Variants in PDSS2 observed in about 807,000 individuals in gnomAD.
The protein encoded by PDSS2 is decaprenyl diphosphate synthase subunit 2, also known as all trans-polyprenyl-diphosphate synthase PDSS2.
PDSS2 carries 31 observed loss-of-function variants against 44.5 expected under a neutral mutation model. The observed-to-expected ratio is 0.70, with a 90% CI of 0.52 to 0.94. PDSS2 has a LOEUF of 0.94. PDSS2 is among the 40% of genes least tolerant of loss of function. The pLI is 0.00. For missense variants in PDSS2, 452 were observed against 482.2 expected (o/e 0.94, Z 0.59); for synonymous variants, 157 against 180.3 (o/e 0.87, Z 1.03).
In PDSS2 at chr6:107,378,665, A is replaced by G. The variant is rs113080542; in HGVS notation, c.297-44333T>C. Among the ~76,000 whole-genome samples, 1,384 of 152,268 alleles carry G rather than the reference A, an allele frequency of 9.1e-3. 17 individuals carry two copies. Among genetic ancestry groups the G allele is most frequent in the African/African-American group, 0.029 (1,190 of 41,546 alleles). On this transcript the variant is annotated intron_variant, in intron 1 of 7. Coordinates refer to ENST00000369037, the MANE Select transcript of PDSS2 (RefSeq NM_020381.4). ...GCCAGGCATGGTGGCAGGCACCTGT[A>G]ATCCCAGCTACTGAAGGGGCTGAGG... is the stretch of plus-strand genomic sequence containing the variant.
intron 1 of PDSS2, among the ~76,000 whole-genome samples, chr6:107,432,763 CA>C (rs2114762723): frequency 7.5e-6 from 1 of 132,574 alleles, no homozygotes; most frequent in East Asian, 2.2e-4. Context: ...GTCTCAAAAA[CA>C]AAAACAAAAA....
At chr6:107,402,479 C>T (rs111919777) in intron 1 of PDSS2, among the ~76,000 whole-genome samples, 1 of 43,368 alleles carries the variant, frequency 2.3e-5, no homozygotes, top group Non-Finnish European at 3.7e-5. Context: ...TATATGTATA[C>T]ATATATACGT....
chr6:107,428,554 G>A (rs375936032), intron 1 of PDSS2, among the ~76,000 whole-genome samples: 10 of 152,176 alleles, frequency 6.6e-5, no homozygotes, highest in African/African-American at 1.9e-4. Context: ...CAGACCAGAC[G>A]CAGTGGCTCA....
At chr6:107,364,362 C>T (rs1036275770) in intron 1 of PDSS2, among the ~76,000 whole-genome samples, 5 of 151,564 alleles carry the variant, frequency 3.3e-5, no homozygotes, top group South Asian at 2.1e-4. Context: ...TCAGGCATGG[C>T]GGGCTGCAGG....
intron 2 of PDSS2, among the ~76,000 whole-genome samples, chr6:107,313,980 G>A (rs2115131091): frequency 6.6e-6 from 1 of 152,116 alleles, no homozygotes; most frequent in Non-Finnish European, 1.5e-5. Context: ...GCAAGATCCT[G>A]TTCTGCGCAT....
chr6:107,309,494 C>T (rs1776964414), intron 2 of PDSS2, among the ~76,000 whole-genome samples: 1 of 152,138 alleles, frequency 6.6e-6, no homozygotes, highest in South Asian at 2.1e-4. Flanking sequence ...TAGATGGCTC[C>T]TAATTGAACT....
chr6:107,169,064 C>T (rs1445977724), intron 7 of PDSS2, among the ~76,000 whole-genome samples: 3 of 152,116 alleles, frequency 2.0e-5, no homozygotes, highest in Admixed American at 6.6e-5. Context: ...TAATATCCTG[C>T]AGAGTGTTTT....
chr6:107,165,233 C>T (rs1771299421), intron 7 of PDSS2, among the ~76,000 whole-genome samples: 1 of 152,074 alleles, frequency 6.6e-6, no homozygotes, highest in South Asian at 2.1e-4. Flanking sequence ...ACATGAAGTC[C>T]TTGCCCGTGC....
rs966673148 is a variant in PDSS2, at chr6:107,375,968, T to C, written c.297-41636A>G. Among the ~76,000 whole-genome samples the C allele has an allele frequency of 2.2e-5, 3 of 138,750 alleles. No homozygotes were observed. In the South Asian group the frequency reaches 6.6e-4, roughly 31 times the overall value. The allele number at this position is 138,750 out of a possible 152,430, so 91.0% of individuals were successfully genotyped here. A position where few individuals can be genotyped will look rare whatever the true frequency, so the allele number is the denominator to read the frequency against. The stretch of plus-strand genomic sequence containing the variant: ...GACAAAATTCAACATCCATTTATGA[T>C]AAAAGACAGTACACTAGCCAGTTTT... On this transcript the variant is annotated intron_variant, in intron 1 of 7. Coordinates refer to ENST00000369037, the MANE Select transcript of PDSS2 (RefSeq NM_020381.4).
At chr6:107,280,061 T>A (rs1240295769) in intron 2 of PDSS2, among the ~76,000 whole-genome samples, 1 of 152,186 alleles carries the variant, frequency 6.6e-6, no homozygotes, top group Non-Finnish European at 1.5e-5. Flanking sequence ...ATATTTCTCA[T>A]GCTAACTCTT....
chr6:107,214,678 A>AG (rs1773353929), intron 4 of PDSS2, among the ~76,000 whole-genome samples: 1 of 152,216 alleles, frequency 6.6e-6, no homozygotes, highest in Non-Finnish European at 1.5e-5. Flanking sequence ...AAAAATATTA[A>AG]GAAAAAAAAG....
chr6:107,223,961 C>T (rs892437097), intron 4 of PDSS2, among the ~76,000 whole-genome samples: 1 of 151,212 alleles, frequency 6.6e-6, no homozygotes, highest in Non-Finnish European at 1.5e-5. Flanking sequence ...TGAGCTCCAC[C>T]TCCTGTCAGA....
chr6:107,241,224 G>A (rs1198188013), intron 4 of PDSS2, among the ~76,000 whole-genome samples: 8 of 141,126 alleles, frequency 5.7e-5, no homozygotes, highest in African/African-American at 1.9e-4. Flanking sequence ...ACTCTAGCCT[G>A]GGCAACAGAG....
intron 1 of PDSS2, among the ~76,000 whole-genome samples, chr6:107,414,622 T>C (rs1780603526): frequency 6.6e-6 from 1 of 152,246 alleles, no homozygotes. Flanking sequence ...CTTGTCAAGA[T>C]ACCCTTCTCT....
At chr6:107,191,977 T>C (rs369428148) in intron 7 of PDSS2, among the ~76,000 whole-genome samples, 1 of 152,166 alleles carries the variant, frequency 6.6e-6, no homozygotes, top group East Asian at 1.9e-4. Flanking sequence ...GGAGGCTGCA[T>C]GTGTTTGGGG....
intron 1 of PDSS2, among the ~76,000 whole-genome samples, chr6:107,448,055 G>T (rs895662008): frequency 1.3e-5 from 2 of 152,210 alleles, no homozygotes; most frequent in East Asian, 3.9e-4. Flanking sequence ...CTGCTGAGAT[G>T]CAGGGCACCA....
chr6:107,156,230 C>T (rs1459089438), intron 7 of PDSS2, among the ~76,000 whole-genome samples: 5 of 139,634 alleles, frequency 3.6e-5, no homozygotes, highest in Non-Finnish European at 6.1e-5. Flanking sequence ...GATGGAGTCT[C>T]GCTCTGTCAC....
chr6:107,309,836 T>G (rs557794551), intron 2 of PDSS2, among the ~76,000 whole-genome samples: 1 of 152,344 alleles, frequency 6.6e-6, no homozygotes, highest in South Asian at 2.1e-4. Flanking sequence ...CATTTCTTCA[T>G]ATAATATTTT....
intron 2 of PDSS2, among the ~76,000 whole-genome samples, chr6:107,311,990 G>A (rs935056908): frequency 1.3e-5 from 2 of 152,154 alleles, no homozygotes; most frequent in African/African-American, 4.8e-5. Context: ...TACTTAGGTT[G>A]GCCTGGGGAT....
Sources: gnomAD v4.1 joint callset for allele counts (sites outside exome capture counted in the v4.1 genomes callset) on GRCh38, gnomAD v4.1.1 for gene constraint, MANE v1.5 for transcripts, NCBI Gene and HGNC (gene_info 2026-07-23, HGNC 2026-07-21) for gene names.